Variants in SORCS2 observed in about 807,000 individuals in gnomAD.
The protein encoded by SORCS2 is sortilin related VPS10 domain containing receptor 2.
Under a neutral mutation model 141.6 loss-of-function variants are expected in SORCS2, and 100 were observed. The ratio of observed to expected loss-of-function variants is 0.71; its 90% CI spans 0.60 to 0.83. The LOEUF is 0.83. Ranked by LOEUF, SORCS2 falls within the 40% of genes least tolerant of loss-of-function variation. The pLI is 0.00. For missense variants in SORCS2, 1,646 were observed against 1,560.2 expected (o/e 1.05, Z -0.93); for synonymous variants, 789 against 676.9 (o/e 1.17, Z -2.57).
intron 2 of SORCS2, among the ~76,000 whole-genome samples, chr4:7,528,179 A>G (rs939712031): frequency 6.6e-6 from 1 of 152,154 alleles, no homozygotes; most frequent in Non-Finnish European, 1.5e-5. Context: ...CAGTATGCAC[A>G]CATCATGTGA....
intron 3 of SORCS2, among the ~76,000 whole-genome samples, chr4:7,562,335 A>G (rs1478544414): frequency 6.6e-6 from 1 of 151,830 alleles, no homozygotes; most frequent in East Asian, 1.9e-4. Context: ...GGCAAAAAAA[A>G]GGTGGATGGT....
intron 3 of SORCS2, among the ~76,000 whole-genome samples, chr4:7,579,574 G>T (rs1037819399): frequency 2.0e-5 from 3 of 152,132 alleles, no homozygotes; most frequent in African/African-American, 7.2e-5. Flanking sequence ...TACTCATCTT[G>T]TAGGGCCTGG....
At chr4:7,561,332 G>T (rs942989703) in intron 3 of SORCS2, among the ~76,000 whole-genome samples, 9 of 150,500 alleles carry the variant, frequency 6.0e-5, no homozygotes, top group Non-Finnish European at 1.0e-4. Flanking sequence ...GACATGGAGG[G>T]GAGCGGCTGG....
chr4:7,373,478 A>ATAATTTTTT, intron 1 of SORCS2, among the ~76,000 whole-genome samples: 1 of 36,818 alleles, frequency 2.7e-5, no homozygotes, highest in East Asian at 2.2e-3. Flanking sequence ...ATATATATAT[A>ATAATTTTTT]TTTTTTTTTT....
chr4:7,674,578 TAAAAAAAA>T (rs377431157), intron 8 of SORCS2, among the ~76,000 whole-genome samples: 6,148 of 82,818 alleles, frequency 0.074, 138 homozygotes, highest in South Asian at 0.13. Flanking sequence ...TGTCTCAAAA[TAAAAAAAA>T]AAAAAAAAAA....
intron 2 of SORCS2, among the ~76,000 whole-genome samples, chr4:7,451,327 C>T (rs1728452455): frequency 6.6e-6 from 1 of 152,232 alleles, no homozygotes; most frequent in Non-Finnish European, 1.5e-5. Context: ...GAGCCCCTGC[C>T]ACACCCCAGC....
chr4:7,583,911 A>C (rs1476200728), intron 3 of SORCS2, among the ~76,000 whole-genome samples: 1 of 152,224 alleles, frequency 6.6e-6, no homozygotes, highest in Non-Finnish European at 1.5e-5. Context: ...GGGGTCAGGA[A>C]GACCAGAGTC....
At chr4:7,639,820 GGT>G (rs1460415446) in intron 4 of SORCS2, among the ~76,000 whole-genome samples, 1 of 149,060 alleles carries the variant, frequency 6.7e-6, no homozygotes, top group Non-Finnish European at 1.5e-5. Flanking sequence ...TGAGTGTGAG[GGT>G]GTGTTTTAGT....
rs1312405589 is a variant in SORCS2 at position 7,703,325 on chromosome 4, G to A, written c.1714G>A (p.Val572Met). The change falls in exon 13 of 27, where the codon GTG becomes ATG. Residue 572 changes from valine to methionine, a missense_variant. Coordinates refer to ENST00000507866, the MANE Select transcript of SORCS2 (RefSeq NM_020777.3). ...HHILYLDHGGVIVAIKDTSIP... is the reference protein window; with the variant it reads ...HHILYLDHGGMIVAIKDTSIP... The stretch of plus-strand genomic sequence containing the variant: ...CATCCTGTACCTGGACCACGGCGGC[G>A]TGATCGTGGCCATCAAAGACACCTC... 35 of 1,613,270 alleles carry A rather than the reference G, an allele frequency of 2.2e-5. No homozygotes were observed. The highest frequency in any genetic ancestry group is 4.5e-5 in the East Asian group (2 of 44,856).
At chr4:7,545,665 C>A (rs1260064337) in intron 3 of SORCS2, among the ~76,000 whole-genome samples, 2 of 152,302 alleles carry the variant, frequency 1.3e-5, no homozygotes, top group East Asian at 3.9e-4. Flanking sequence ...AACCCAGACC[C>A]ACCCCGCTGC....
chr4:7,468,605 T>C (rs36076856), intron 2 of SORCS2, among the ~76,000 whole-genome samples: 50,590 of 151,958 alleles, frequency 0.33, 8,910 homozygotes, highest in Non-Finnish European at 0.4. Flanking sequence ...TGAATAAGCG[T>C]TCTTGTGCTT....
chr4:7,224,493 G>T (rs1411716105), intron 1 of SORCS2, among the ~76,000 whole-genome samples: 3 of 149,710 alleles, frequency 2.0e-5, no homozygotes, highest in African/African-American at 7.4e-5. Context: ...GCTTTGGTCA[G>T]CTGCTGCTTC....
intron 14 of SORCS2, among the ~76,000 whole-genome samples, chr4:7,706,012 A>T (rs1422660003): frequency 6.8e-6 from 1 of 146,216 alleles, no homozygotes; most frequent in African/African-American, 2.5e-5. Context: ...CTGGACAGGG[A>T]TGAGGCTGGG....
At chr4:7,575,098 C>T (rs968914557) in intron 3 of SORCS2, among the ~76,000 whole-genome samples, 1 of 152,180 alleles carries the variant, frequency 6.6e-6, no homozygotes. Context: ...CTCCACGTGG[C>T]CCTCTGGGCT....
chr4:7,546,418 GC>G (rs1372654415), intron 3 of SORCS2, among the ~76,000 whole-genome samples: 2 of 152,138 alleles, frequency 1.3e-5, no homozygotes, highest in African/African-American at 4.8e-5. Flanking sequence ...CCTCTGCGCT[GC>G]CCCCCACCTC....
At position 7,515,025 on chromosome 4, in the gene SORCS2, C is replaced by T. The variant is rs900301780; in HGVS notation, c.549-16505C>T. Among the ~76,000 whole-genome samples, 17 of 152,192 alleles carry T rather than the reference C, an allele frequency of 1.1e-4. 1 individual carries two copies. The highest frequency in any genetic ancestry group is 3.3e-4 in the Admixed American group (5 of 15,290). On this transcript the variant is annotated intron_variant, in intron 2 of 26. Transcript: ENST00000507866. ...GGGCATGGACAACCCAGACTTGTGG[C>T]GTTAGTTAACCCTTTACTGCTCAGC...
At chr4:7,725,067 G>T (rs1187985085) in intron 19 of SORCS2, 87 bp from the exon 20 acceptor site, 20 of 1,426,448 alleles carry the variant, frequency 1.4e-5, no homozygotes, top group Non-Finnish European at 1.9e-5. Context: ...TAGCAATGAA[G>T]TTGCTGGTGA....
At chr4:7,639,126 A>C (rs901025619) in intron 4 of SORCS2, among the ~76,000 whole-genome samples, 50 of 152,328 alleles carry the variant, frequency 3.3e-4, no homozygotes, top group Admixed American at 3.1e-3. Flanking sequence ...GGGAGGGCCC[A>C]GTAGGAAAGG....
chr4:7,402,353 A>G (rs1010046081), intron 2 of SORCS2, among the ~76,000 whole-genome samples: 5 of 152,158 alleles, frequency 3.3e-5, no homozygotes, highest in African/African-American at 1.2e-4. Context: ...CAATATACAC[A>G]TCATAATGTA....
Sources: gnomAD v4.1 joint callset for allele counts (sites outside exome capture counted in the v4.1 genomes callset) on GRCh38, gnomAD v4.1.1 for gene constraint, MANE v1.5 for transcripts, NCBI Gene and HGNC (gene_info 2026-07-23, HGNC 2026-07-21) for gene names.